The following ERBB4 variants were observed in gnomAD, a reference collection of about 807,000 sequenced individuals.
ERBB4 encodes receptor tyrosine-protein kinase erbB-4.
In ERBB4, 42 loss-of-function variants were observed where a neutral mutation model predicts 158.0. That is an observed-to-expected ratio of 0.27 (90% CI 0.21 to 0.34). ERBB4 has a LOEUF of 0.34. Ranked by LOEUF, ERBB4 falls within the 10% of genes least tolerant of loss-of-function variation. ERBB4 has a pLI of 1.00. For synonymous variants in ERBB4, 583 were observed against 558.7 expected (o/e 1.04, Z -0.61); for missense variants, 1,333 against 1,624.1 (o/e 0.82, Z 3.08).
At chr2:212,332,506 C>G (rs1267545392) in intron 1 of ERBB4, among the ~76,000 whole-genome samples, 6 of 152,092 alleles carry the variant, frequency 3.9e-5, no homozygotes, top group Non-Finnish European at 7.4e-5. Flanking sequence ...TGCCTTCACT[C>G]TTGCAAATCA....
chr2:211,816,540 C>CAAAAAAA (rs34323414), intron 3 of ERBB4, among the ~76,000 whole-genome samples: 3 of 65,894 alleles, frequency 4.6e-5, no homozygotes, highest in African/African-American at 1.1e-4. Flanking sequence ...GAGCCCGTCT[C>CAAAAAAA]AAAAAAAAAA....
At chr2:212,011,870 C>T (rs907368797) in intron 2 of ERBB4, among the ~76,000 whole-genome samples, 1 of 152,104 alleles carries the variant, frequency 6.6e-6, no homozygotes, top group Non-Finnish European at 1.5e-5. Flanking sequence ...ATTGCCTGGA[C>T]CTATTACTTC....
intron 27 of ERBB4, among the ~76,000 whole-genome samples, chr2:211,386,508 C>G (rs1484626203): frequency 6.6e-6 from 1 of 152,106 alleles, no homozygotes; most frequent in African/African-American, 2.4e-5. Context: ...AAGCTATGGT[C>G]CTGACACTTT....
chr2:211,409,854 C>T (rs1335906850), intron 25 of ERBB4, among the ~76,000 whole-genome samples: 1 of 152,164 alleles, frequency 6.6e-6, no homozygotes, highest in African/African-American at 2.4e-5. Flanking sequence ...TATCAGTATA[C>T]ACATATAAGA....
At chr2:211,522,050 C>G (rs142015814) in intron 20 of ERBB4, among the ~76,000 whole-genome samples, 1 of 152,056 alleles carries the variant, frequency 6.6e-6, no homozygotes, top group African/African-American at 2.4e-5. Context: ...GCCCATAGAT[C>G]GAGGAGTAAT....
intron 2 of ERBB4, among the ~76,000 whole-genome samples, chr2:212,088,708 A>G (rs1163617923): frequency 6.6e-6 from 1 of 152,182 alleles, no homozygotes; most frequent in African/African-American, 2.4e-5. Flanking sequence ...TGAGAATCTA[A>G]CAAGTGAAAA....
chr2:211,400,080 CT>C (rs1462623016), intron 25 of ERBB4, among the ~76,000 whole-genome samples: 6 of 152,158 alleles, frequency 3.9e-5, no homozygotes, highest in Admixed American at 3.9e-4. Flanking sequence ...GAGTATGAGT[CT>C]CTGAGAAGGG....
At chr2:211,872,061 T>C (rs867533291) in intron 3 of ERBB4, among the ~76,000 whole-genome samples, 14 of 138,922 alleles carry the variant, frequency 1.0e-4, no homozygotes, top group Admixed American at 8.4e-4. Flanking sequence ...ATTTCAATAA[T>C]TGCTTTTAAT....
chr2:212,330,875 C>T (rs1258700876), intron 1 of ERBB4, among the ~76,000 whole-genome samples: 5 of 151,108 alleles, frequency 3.3e-5, no homozygotes, highest in East Asian at 2.0e-4. Flanking sequence ...ACCACAAGTG[C>T]GATTACCCTA....
chr2:211,546,898 G>A (rs191019810), intron 20 of ERBB4, among the ~76,000 whole-genome samples: 68 of 152,168 alleles, frequency 4.5e-4, no homozygotes, highest in Non-Finnish European at 7.6e-4. Flanking sequence ...AATACTGATC[G>A]TGACAAGGCT....
chr2:211,955,369 T>TG (rs1559180131), intron 2 of ERBB4, among the ~76,000 whole-genome samples: 1 of 148,926 alleles, frequency 6.7e-6, no homozygotes, highest in East Asian at 1.9e-4. Flanking sequence ...ATTAACCATA[T>TG]TTTTTTTGTC....
intron 1 of ERBB4, among the ~76,000 whole-genome samples, chr2:212,524,449 A>G (rs1294494568): frequency 1.3e-5 from 2 of 152,030 alleles, no homozygotes; most frequent in Non-Finnish European, 2.9e-5. Context: ...GATGATAGTC[A>G]TCATATATTC....
chr2:211,403,594 A>G (rs1284008564), intron 25 of ERBB4, among the ~76,000 whole-genome samples: 2 of 152,122 alleles, frequency 1.3e-5, no homozygotes, highest in African/African-American at 4.8e-5. Flanking sequence ...TCTTATCTCC[A>G]CTGCACTTTA....
At chr2:211,415,102 A>ATTTT (rs1395575088) in intron 25 of ERBB4, among the ~76,000 whole-genome samples, 16 of 80,992 alleles carry the variant, frequency 2.0e-4, no homozygotes, top group Non-Finnish European at 3.5e-4. Context: ...TGAAACTTAC[A>ATTTT]TTTTCTTTTT....
chr2:211,689,298 G>A (rs2072702705), intron 12 of ERBB4, among the ~76,000 whole-genome samples: 1 of 152,134 alleles, frequency 6.6e-6, no homozygotes, highest in Non-Finnish European at 1.5e-5. Flanking sequence ...GCGCTCAAGT[G>A]ATCCTTCCAC....
At chr2:211,597,202 T>C (rs2068660145) in intron 19 of ERBB4, among the ~76,000 whole-genome samples, 1 of 152,204 alleles carries the variant, frequency 6.6e-6, no homozygotes, top group South Asian at 2.1e-4. Flanking sequence ...TAAAATACCA[T>C]ATATTAATCC....
chr2:211,524,621 G>A (rs1220220864), intron 20 of ERBB4, among the ~76,000 whole-genome samples: 1 of 148,148 alleles, frequency 6.8e-6, no homozygotes, highest in Non-Finnish European at 1.5e-5. Flanking sequence ...GCTGGCCCGG[G>A]TGCTACGCCC....
intron 1 of ERBB4, among the ~76,000 whole-genome samples, chr2:212,484,763 C>T (rs1280370466): frequency 1.3e-5 from 2 of 152,176 alleles, no homozygotes; most frequent in Admixed American, 6.5e-5. Flanking sequence ...ACGACCCACA[C>T]GCCTCAAGTA....
intron 20 of ERBB4, among the ~76,000 whole-genome samples, chr2:211,552,627 A>C (rs1318009228): frequency 6.6e-6 from 1 of 152,132 alleles, no homozygotes; most frequent in African/African-American, 2.4e-5. Context: ...CGGAAAAAAA[A>C]ATCTGACAAG....
Sources: allele counts gnomAD v4.1 joint callset (sites outside exome capture counted in the v4.1 genomes callset), GRCh38; gene constraint gnomAD v4.1.1; transcripts MANE v1.5; gene names NCBI Gene and HGNC (gene_info 2026-07-23, HGNC 2026-07-21).